STRADB: variants seen among roughly 807,000 people sequenced by gnomAD.
The protein encoded by STRADB is STE20-related kinase adapter protein beta.
A neutral mutation model predicts 52.1 loss-of-function variants in STRADB; 34 were observed. That is an observed-to-expected ratio of 0.65 (90% CI 0.50 to 0.87). The LOEUF (loss-of-function observed/expected upper bound fraction) is 0.87, where lower values mean the gene tolerates loss of function less well. STRADB is among the 40% of genes least tolerant of loss of function. The pLI is 0.00. For synonymous variants in STRADB, 133 were observed against 174.5 expected, an observed-to-expected ratio of 0.76 and a Z score of 1.87; for missense variants, 340 against 483.9, an observed-to-expected ratio of 0.70 and a Z score of 2.79.
At position 201,478,192 on chromosome 2, in the gene STRADB, G is replaced by GTC; in HGVS notation, c.825+2_825+3insCT. ...TTTCCAGGACATGCATAGAACTCAG[G>GTC]TAAGTGCTGCTAAAATCCCTGAGCT... On this transcript the variant is annotated splice_donor_variant, in intron 9 of 11. Transcript: ENST00000194530. LOFTEE classifies it high-confidence loss of function. The GTC allele has an allele frequency of 6.2e-7, 1 of 1,610,200 alleles. No individual in the cohort carries two copies. Among genetic ancestry groups the GTC allele is most frequent in the East Asian group, 2.2e-5 (1 of 44,878 alleles).
chr2:201,478,082 TACAGGATTTACATGG>T lies in STRADB; in HGVS notation c.721-4_731del. 6.2e-7 allele frequency: 1 copy of T among 1,601,238 alleles called. No individual in the cohort carries two copies. ...AAAAGACTTCAAATTAATTGTGTCCTACAGGATTTACATGGGTATAATGTGAAGTCAGATATTTAC... is the reference window on the plus strand; with the variant it reads ...AAAAGACTTCAAATTAATTGTGTCCTGTATAATGTGAAGTCAGATATTTAC... On this transcript the variant is annotated splice_acceptor_variant and splice_polypyrimidine_tract_variant and coding_sequence_variant and intron_variant, in exon 9 of 12. Coordinates refer to ENST00000194530, the MANE Select transcript of STRADB (RefSeq NM_018571.6). LOFTEE classifies it high-confidence loss of function.
chr2:201,465,284 C>G (rs1952283266), intron 3 of STRADB, among the ~76,000 whole-genome samples: 1 of 152,218 alleles, frequency 6.6e-6, no homozygotes, highest in Non-Finnish European at 1.5e-5. Context: ...GATGTTTATT[C>G]AAGGCGCAAG....
At chr2:201,478,659 C>T (rs1476517028) in intron 10 of STRADB, 58 bp downstream of exon 10, 5 of 1,553,764 alleles carry the variant, frequency 3.2e-6, no homozygotes, top group Non-Finnish European at 4.4e-6. Context: ...TTTATAGAAG[C>T]TTTGTAACAT....
chr2:201,464,592 C>T (rs1028462297), intron 3 of STRADB, among the ~76,000 whole-genome samples: 1 of 152,182 alleles, frequency 6.6e-6, no homozygotes, highest in East Asian at 1.9e-4. Context: ...CACCACTGCC[C>T]AGCTGGATGT....
intron 7 of STRADB, among the ~76,000 whole-genome samples, chr2:201,477,221 C>T (rs543765662): frequency 3.3e-5 from 5 of 151,216 alleles, no homozygotes; most frequent in African/African-American, 9.7e-5. Context: ...CCTGCCACCA[C>T]GCCTGGCTAA....
intron 7 of STRADB, among the ~76,000 whole-genome samples, chr2:201,476,358 CT>C (rs199596100): frequency 0.03 from 3,882 of 131,546 alleles, 55 homozygotes; most frequent in Middle Eastern, 0.043. Context: ...TTTTGTCTTA[CT>C]TTTTTTTTTT....
At chr2:201,468,085 C>CTTTTTT (rs536551120) in intron 3 of STRADB, among the ~76,000 whole-genome samples, 5 of 71,034 alleles carry the variant, frequency 7.0e-5, no homozygotes, top group Admixed American at 1.6e-4. Context: ...TTTTTTTTTT[C>CTTTTTT]TTTTTTTTTT....
chr2:201,452,363 TC>T (rs1394587045), intron 1 of STRADB, among the ~76,000 whole-genome samples: 3 of 152,226 alleles, frequency 2.0e-5, no homozygotes, highest in African/African-American at 7.2e-5. Context: ...CGCTGCAAAG[TC>T]CCCCATAGCA....
At chr2:201,459,617 G>T (rs538976080) in intron 3 of STRADB, among the ~76,000 whole-genome samples, 1 of 152,032 alleles carries the variant, frequency 6.6e-6, no homozygotes, top group African/African-American at 2.4e-5. Flanking sequence ...TCTCACCTGG[G>T]CTCTTGCAGG....
At chr2:201,462,050 A>G (rs1952224412) in intron 3 of STRADB, among the ~76,000 whole-genome samples, 2 of 152,114 alleles carry the variant, frequency 1.3e-5, no homozygotes, top group Admixed American at 6.6e-5. Flanking sequence ...GTCTGTTTGT[A>G]TACAAGTACC....
intron 5 of STRADB, among the ~76,000 whole-genome samples, chr2:201,473,992 G>A (rs778270436): frequency 1.0e-3 from 157 of 149,582 alleles, no homozygotes; most frequent in Middle Eastern, 3.5e-3. Context: ...CCGGGTTCAC[G>A]CCATTCTCCT....
intron 3 of STRADB, among the ~76,000 whole-genome samples, chr2:201,468,411 C>A (rs1952339249): frequency 6.6e-6 from 1 of 152,036 alleles, no homozygotes. Context: ...ATCAAGCTTG[C>A]CCCTTTGTAG....
In STRADB at chr2:201,469,998, A is replaced by C; in HGVS notation, c.139A>C (p.Ser47Arg). The C allele has an allele frequency of 6.2e-7, 1 of 1,614,152 alleles. No individual in the cohort carries two copies. Among genetic ancestry groups the C allele is most frequent in the South Asian group, 1.1e-5 (1 of 91,080 alleles). ...LSWSRPSTRA[S>R]EVLCSTNVSH... Reference sequence around the variant, plus strand: ...CTGGTCACGTCCATCCACTAGAGCCAGTGAAGTACTATGTTCCACCAACGT... The same window carrying C: ...CTGGTCACGTCCATCCACTAGAGCCCGTGAAGTACTATGTTCCACCAACGT... Residue 47 changes from serine to arginine, a missense_variant, in exon 4 of 12, where the codon AGT (serine) becomes CGT (arginine). Transcript: ENST00000194530.
intron 6 of STRADB, 24 bp downstream of exon 6, chr2:201,474,779 ATTAAC>A (rs781089849): frequency 1.3e-6 from 2 of 1,539,884 alleles, no homozygotes; most frequent in African/African-American, 2.8e-5. Flanking sequence ...TTTTAAATAA[ATTAAC>A]TTAGCCTAGA....
intron 3 of STRADB, among the ~76,000 whole-genome samples, chr2:201,463,224 C>G (rs1157500567): frequency 6.6e-6 from 1 of 150,912 alleles, no homozygotes; most frequent in African/African-American, 2.4e-5. Flanking sequence ...GTAATCCCGC[C>G]TACTTGGGAG....
intron 3 of STRADB, among the ~76,000 whole-genome samples, chr2:201,465,992 A>T (rs1952296868): frequency 6.6e-6 from 1 of 152,368 alleles, no homozygotes; most frequent in African/African-American, 2.4e-5. Flanking sequence ...TACCCTGCTC[A>T]GTGCCTCTTT....
intron 2 of STRADB, among the ~76,000 whole-genome samples, chr2:201,455,719 T>C (rs2125670959): frequency 6.6e-6 from 1 of 151,496 alleles, no homozygotes; most frequent in South Asian, 2.1e-4. Flanking sequence ...AAAAAAAGGA[T>C]GAGTATATTT....
intron 3 of STRADB, among the ~76,000 whole-genome samples, chr2:201,469,093 C>CCTGTCA (rs1420713238): frequency 6.6e-6 from 1 of 152,162 alleles, no homozygotes; most frequent in Non-Finnish European, 1.5e-5. Flanking sequence ...AACATTTAAT[C>CCTGTCA]CTGTCACTGT....
chr2:201,461,953 G>T (rs56212303), intron 3 of STRADB, among the ~76,000 whole-genome samples: 8,551 of 152,168 alleles, frequency 0.056, 289 homozygotes, highest in African/African-American at 0.074. Flanking sequence ...TTTCCCCAGT[G>T]TATGTTCTTG....
Sources: gnomAD v4.1 joint callset for allele counts (sites outside exome capture counted in the v4.1 genomes callset) on GRCh38, gnomAD v4.1.1 for gene constraint, MANE v1.5 for transcripts, NCBI Gene and HGNC (gene_info 2026-07-23, HGNC 2026-07-21) for gene names.